B3GALT1: variants seen among roughly 807,000 people sequenced by gnomAD.
B3GALT1 encodes the protein UDP-Gal:betaGlcNAc beta 1,3-galactosyltransferase, polypeptide 1.
B3GALT1 carries 10 observed loss-of-function variants against 23.2 expected under a neutral mutation model. That is an observed-to-expected ratio of 0.43 (90% confidence interval 0.27 to 0.73). The LOEUF is 0.73. Among genes scored for constraint, B3GALT1 ranks in the 30% least tolerant of loss-of-function variants. The probability of loss-of-function intolerance (pLI) is 0.21; values close to 1 mark genes in which losing one functional copy is unlikely to be tolerated. For synonymous variants in B3GALT1, 156 were observed against 141.5 expected (o/e 1.10, Z -0.73); for missense variants, 299 against 405.4 (o/e 0.74, Z 2.25).
At chr2:167,622,989 C>T (rs1278672959) in intron 2 of B3GALT1, among the ~76,000 whole-genome samples, 1 of 151,922 alleles carries the variant, frequency 6.6e-6, no homozygotes, top group Non-Finnish European at 1.5e-5. Flanking sequence ...TATATTGTTA[C>T]ATATGGTTAG....
At chr2:167,850,266 C>T (rs1246094156) in intron 4 of B3GALT1, among the ~76,000 whole-genome samples, 1 of 152,128 alleles carries the variant, frequency 6.6e-6, no homozygotes, top group African/African-American at 2.4e-5. Context: ...AAGAGGATAT[C>T]CAAATGGCCA....
intron 1 of B3GALT1, among the ~76,000 whole-genome samples, chr2:167,424,251 C>T (rs1475145385): frequency 1.3e-5 from 2 of 152,134 alleles, no homozygotes; most frequent in African/African-American, 4.8e-5. Context: ...AAAACAATGT[C>T]TTCCTAAGAA....
At chr2:167,417,358 A>C (rs6756997) in intron 1 of B3GALT1, among the ~76,000 whole-genome samples, 142,099 of 152,202 alleles carry the variant, frequency 0.93, 66,798 homozygotes, top group Non-Finnish European at 0.99. Flanking sequence ...GTGATGCCTG[A>C]ATCACCTTGG....
intron 1 of B3GALT1, among the ~76,000 whole-genome samples, chr2:167,459,077 T>A (rs1158558322): frequency 1.3e-5 from 2 of 152,204 alleles, no homozygotes; most frequent in South Asian, 4.1e-4. Context: ...AGCTAATCTC[T>A]GTCTTTTGAC....
At chr2:167,685,264 A>G (rs1374068803) in intron 3 of B3GALT1, among the ~76,000 whole-genome samples, 1 of 152,270 alleles carries the variant, frequency 6.6e-6, no homozygotes, top group Admixed American at 6.5e-5. Context: ...GTTATCCATT[A>G]TTCTTTTTTT....
At chr2:167,619,871 G>A (rs974059545) in intron 2 of B3GALT1, among the ~76,000 whole-genome samples, 21 of 152,050 alleles carry the variant, frequency 1.4e-4, no homozygotes, top group Non-Finnish European at 3.1e-4. Flanking sequence ...TTAGGAATAG[G>A]TATGCACTGG....
At chr2:167,522,292 A>T (rs1448721170) in intron 2 of B3GALT1, among the ~76,000 whole-genome samples, 1 of 151,872 alleles carries the variant, frequency 6.6e-6, no homozygotes, top group East Asian at 1.9e-4. Flanking sequence ...AATATACAAA[A>T]TCTTCTCCAG....
chr2:167,440,205 T>C (rs2105312335), intron 1 of B3GALT1, among the ~76,000 whole-genome samples: 2 of 151,692 alleles, frequency 1.3e-5, no homozygotes, highest in South Asian at 4.2e-4. Context: ...TAGCCAGGCG[T>C]GGTGGCGGGC....
intron 1 of B3GALT1, among the ~76,000 whole-genome samples, chr2:167,355,128 T>A (rs1044632566): frequency 6.6e-6 from 1 of 152,234 alleles, no homozygotes; most frequent in African/African-American, 2.4e-5. Context: ...TAGTTGCTGT[T>A]GCTACCTATA....
At chr2:167,319,146 A>C (rs904113138) in intron 1 of B3GALT1, among the ~76,000 whole-genome samples, 4 of 152,086 alleles carry the variant, frequency 2.6e-5, no homozygotes, top group Admixed American at 1.3e-4. Flanking sequence ...GGCACACTGG[A>C]GGTTGACCTC....
chr2:167,334,145 AC>A (rs533810880), intron 1 of B3GALT1, among the ~76,000 whole-genome samples: 36 of 152,210 alleles, frequency 2.4e-4, no homozygotes, highest in Non-Finnish European at 4.6e-4. Context: ...GCAGTTCAAC[AC>A]ATAATTTAGT....
At chr2:167,499,836 T>C (rs1303010102) in intron 2 of B3GALT1, among the ~76,000 whole-genome samples, 1 of 152,038 alleles carries the variant, frequency 6.6e-6, no homozygotes, top group East Asian at 1.9e-4. Flanking sequence ...AATAACAATG[T>C]AGGTAGAGGA....
intron 4 of B3GALT1, among the ~76,000 whole-genome samples, chr2:167,845,101 A>G (rs1349629180): frequency 6.6e-6 from 1 of 152,102 alleles, no homozygotes; most frequent in Non-Finnish European, 1.5e-5. Context: ...CTGCCCAAGG[A>G]GAGTCTGAGT....
chr2:167,311,110 T>C (rs1696628628), intron 1 of B3GALT1, among the ~76,000 whole-genome samples: 1 of 152,150 alleles, frequency 6.6e-6, no homozygotes, highest in Non-Finnish European at 1.5e-5. Flanking sequence ...AGTCCTACTA[T>C]AGCATTTATC....
chr2:167,604,721 A>G (rs1324422367), intron 2 of B3GALT1, among the ~76,000 whole-genome samples: 2 of 152,196 alleles, frequency 1.3e-5, no homozygotes, highest in South Asian at 4.1e-4. Context: ...TTAAGAGAAT[A>G]CCAAAAAGGA....
At chr2:167,431,435 T>C (rs897099959) in intron 1 of B3GALT1, among the ~76,000 whole-genome samples, 2 of 152,354 alleles carry the variant, frequency 1.3e-5, no homozygotes, top group Admixed American at 6.5e-5. Flanking sequence ...ATGGCTAAAA[T>C]ACATCTCTGA....
At chr2:167,434,634 T>C (rs1046171966) in intron 1 of B3GALT1, among the ~76,000 whole-genome samples, 3 of 152,116 alleles carry the variant, frequency 2.0e-5, no homozygotes, top group Non-Finnish European at 4.4e-5. Context: ...TTCTGGCTTA[T>C]TCAAATCAGC....
intron 3 of B3GALT1, among the ~76,000 whole-genome samples, chr2:167,704,646 A>C (rs1388397917): frequency 6.6e-6 from 1 of 152,280 alleles, no homozygotes; most frequent in African/African-American, 2.4e-5. Context: ...TAGAGCTCCA[A>C]GTGGGTAGTT....
rs537952765 is a variant in B3GALT1, at chr2:167,413,447, C to T, written c.-510-76730C>T. ...ATTTTTTCTGCATGATCTATATTTT[C>T]AGAAGAGGGTATGATAAAATCCTCA... is the stretch of plus-strand genomic sequence containing the variant. On this transcript the variant is annotated intron_variant, in intron 1 of 4. Transcript: ENST00000392690. Among the ~76,000 whole-genome samples the T allele has an allele frequency of 4.7e-3, 708 of 151,984 alleles. 6 individuals carry two copies. The highest frequency in any genetic ancestry group is 5.6e-3 in the Non-Finnish European group (381 of 67,852).
Sources: allele counts gnomAD v4.1 joint callset (sites outside exome capture counted in the v4.1 genomes callset), GRCh38; gene constraint gnomAD v4.1.1; transcripts MANE v1.5; gene names NCBI Gene and HGNC (gene_info 2026-07-23, HGNC 2026-07-21).